Variants in INPP4B observed in about 807,000 individuals in gnomAD.
The protein encoded by INPP4B is inositol polyphosphate 4-phosphatase type II.
In INPP4B, 55 loss-of-function variants were observed where a neutral mutation model predicts 122.5. The observed-to-expected ratio is 0.45, with a 90% CI of 0.36 to 0.56. The LOEUF (loss-of-function observed/expected upper bound fraction) is 0.56. INPP4B is among the 20% of genes least tolerant of loss of function. The pLI is 0.00. For synonymous variants in INPP4B, 403 were observed against 388.7 expected (o/e 1.04, Z -0.43); for missense variants, 1,000 against 1,097.7 (o/e 0.91, Z 1.26).
intron 7 of INPP4B, among the ~76,000 whole-genome samples, chr4:142,327,171 T>A (rs1410385878): frequency 6.6e-6 from 1 of 152,106 alleles, no homozygotes; most frequent in Non-Finnish European, 1.5e-5. Context: ...TAGTCATGAG[T>A]TAATGAACGA....
chr4:142,591,289 T>C (rs2162107), intron 2 of INPP4B, among the ~76,000 whole-genome samples: 2,143 of 151,830 alleles, frequency 0.014, 40 homozygotes, highest in African/African-American at 0.041. Context: ...TGTTCTCACA[T>C]ACCCCTCAAA....
intron 2 of INPP4B, among the ~76,000 whole-genome samples, chr4:142,672,974 T>G (rs2150640673): frequency 6.6e-6 from 1 of 152,258 alleles, no homozygotes; most frequent in Non-Finnish European, 1.5e-5. Context: ...TCCAGTATCT[T>G]TTGTTAAAAA....
chr4:142,800,589 C>T (rs1777875820), intron 1 of INPP4B, among the ~76,000 whole-genome samples: 1 of 152,022 alleles, frequency 6.6e-6, no homozygotes, highest in African/African-American at 2.4e-5. Flanking sequence ...AAAGGGAAAA[C>T]CCTAAAAATT....
chr4:142,230,914 C>T lies in INPP4B; in HGVS notation c.836+6950G>A, dbSNP rs115434033. On this transcript the variant is annotated intron_variant, in intron 12 of 25. Transcript: ENST00000262992. ...CTTGAGAGATATCTAACATTTCCTC[C>T]TTGTGAATTTTTTTGGAACTAAACC... 2.5e-3 allele frequency among the ~76,000 whole-genome samples: 380 copies of T among 152,220 alleles called. 1 individual carries two copies. Among genetic ancestry groups the T allele is most frequent in the African/African-American group, 8.5e-3 (352 of 41,554 alleles).
At chr4:142,068,617 A>C (rs1219208796) in intron 25 of INPP4B, among the ~76,000 whole-genome samples, 1 of 152,208 alleles carries the variant, frequency 6.6e-6, no homozygotes, top group Non-Finnish European at 1.5e-5. Flanking sequence ...CATAGGCTCA[A>C]AATAAAGGGA....
intron 2 of INPP4B, among the ~76,000 whole-genome samples, chr4:142,707,737 A>G (rs1456152325): frequency 6.6e-6 from 1 of 152,262 alleles, no homozygotes; most frequent in Admixed American, 6.5e-5. Context: ...AGTCTCAAGT[A>G]GTTCTTTATA....
At chr4:142,244,618 C>T (rs1726956705) in intron 11 of INPP4B, among the ~76,000 whole-genome samples, 1 of 152,044 alleles carries the variant, frequency 6.6e-6, no homozygotes, top group Non-Finnish European at 1.5e-5. Flanking sequence ...TTTCTTCATC[C>T]AGTCTATCAC....
At chr4:142,631,102 G>C (rs575629797) in intron 2 of INPP4B, among the ~76,000 whole-genome samples, 9 of 152,150 alleles carry the variant, frequency 5.9e-5, no homozygotes, top group South Asian at 2.1e-4. Flanking sequence ...AATCAACAGG[G>C]ATGAAACCCT....
intron 2 of INPP4B, among the ~76,000 whole-genome samples, chr4:142,604,281 G>GA: frequency 6.6e-6 from 1 of 152,068 alleles, no homozygotes; most frequent in Non-Finnish European, 1.5e-5. Flanking sequence ...CATGCTGAAT[G>GA]GAAAAAGTTG....
At chr4:142,437,646 G>C (rs912138687) in intron 3 of INPP4B, among the ~76,000 whole-genome samples, 2 of 152,048 alleles carry the variant, frequency 1.3e-5, no homozygotes, top group Non-Finnish European at 2.9e-5. Flanking sequence ...AGAATTTCAT[G>C]TCTGGCCAAA....
chr4:142,264,109 T>C (rs1488886422), intron 10 of INPP4B, among the ~76,000 whole-genome samples: 1 of 152,146 alleles, frequency 6.6e-6, no homozygotes, highest in Non-Finnish European at 1.5e-5. Flanking sequence ...AGGAAAGACA[T>C]GTCCTAAGTT....
At chr4:142,031,827 A>G (rs924729212) in intron 25 of INPP4B, among the ~76,000 whole-genome samples, 3 of 152,142 alleles carry the variant, frequency 2.0e-5, no homozygotes, top group Non-Finnish European at 4.4e-5. Flanking sequence ...CTTCAACCCA[A>G]AGTTTTTAGT....
intron 11 of INPP4B, 73 bp downstream of exon 11, chr4:142,260,419 T>C: frequency 1.1e-6 from 1 of 907,748 alleles, no homozygotes. Flanking sequence ...AGAATGCTGG[T>C]TCAGTGTTGA....
rs112995615 is a variant in INPP4B at position 142,283,809 on chromosome 4, C to T, written c.504-13035G>A. Among the ~76,000 whole-genome samples, 507 of 152,082 alleles carry T rather than the reference C, an allele frequency of 3.3e-3. 2 individuals are homozygous for T. The highest frequency in any genetic ancestry group is 0.012 in the African/African-American group (483 of 41,504). ...ACAGATGACATTAAAAGCTTTAAGA[C>T]TAGATGGAAGAAAGTGAATGAAGAG... On this transcript the variant is annotated intron_variant, in intron 9 of 25. Transcript: ENST00000262992.
At chr4:142,465,205 G>GAT (rs1817533899) in intron 2 of INPP4B, among the ~76,000 whole-genome samples, 1 of 152,186 alleles carries the variant, frequency 6.6e-6, no homozygotes, top group Admixed American at 6.5e-5. Flanking sequence ...GATGCAGAAA[G>GAT]ATCAACTGTC....
chr4:142,332,234 A>G (rs968808406), intron 7 of INPP4B, among the ~76,000 whole-genome samples: 1 of 152,078 alleles, frequency 6.6e-6, no homozygotes, highest in Non-Finnish European at 1.5e-5. Flanking sequence ...AGATGATTTT[A>G]TTTTTTAAAA....
chr4:142,267,516 GA>G (rs1743398261), intron 10 of INPP4B, among the ~76,000 whole-genome samples: 1 of 152,142 alleles, frequency 6.6e-6, no homozygotes, highest in Non-Finnish European at 1.5e-5. Context: ...TCCACATGCA[GA>G]AAAATAAAAT....
chr4:142,689,652 TG>T (rs1298282147), intron 2 of INPP4B, among the ~76,000 whole-genome samples: 1 of 152,190 alleles, frequency 6.6e-6, no homozygotes, highest in Non-Finnish European at 1.5e-5. Context: ...ACATTAATTC[TG>T]CAAACTTGTT....
At chr4:142,374,780 G>A (rs758233301) in intron 7 of INPP4B, among the ~76,000 whole-genome samples, 18 of 151,798 alleles carry the variant, frequency 1.2e-4, no homozygotes, top group East Asian at 3.9e-4. Context: ...TATCAATTCC[G>A]TTTTTTATTC....
Sources: allele counts gnomAD v4.1 joint callset (sites outside exome capture counted in the v4.1 genomes callset), GRCh38; gene constraint gnomAD v4.1.1; transcripts MANE v1.5; gene names NCBI Gene and HGNC (gene_info 2026-07-23, HGNC 2026-07-21).